Variants in SKIC3 observed in about 807,000 individuals in gnomAD.
SKIC3 encodes superkiller complex protein 3.
the SKIC3 span, chr5:95,523,445 G>T: frequency 8.2e-7 from 1 of 1,216,722 alleles, no homozygotes; most frequent in Non-Finnish European, 1.1e-6. Context: ...ACTTACACTG[G>T]TATACATCAA....
the SKIC3 span, among the ~76,000 whole-genome samples, chr5:95,480,038 T>C: frequency 6.6e-6 from 1 of 152,130 alleles, no homozygotes; most frequent in East Asian, 1.9e-4. Flanking sequence ...TGGTACTATG[T>C]TAATTACGGG....
At chr5:95,495,081 A>G in the SKIC3 span, 1 of 1,510,438 alleles carries the variant, frequency 6.6e-7, no homozygotes, top group South Asian at 1.1e-5. Context: ...GAAAAAATTA[A>G]GATTGATAAG....
At chr5:95,522,453 G>T in the SKIC3 span, 2 of 950,570 alleles carry the variant, frequency 2.1e-6, no homozygotes, top group Non-Finnish European at 3.0e-6. Flanking sequence ...AGATAAATTT[G>T]TTCCTTTTAT....
At chr5:95,514,121 A>G in the SKIC3 span, among the ~76,000 whole-genome samples, 3 of 152,190 alleles carry the variant, frequency 2.0e-5, no homozygotes, top group Admixed American at 1.3e-4. Context: ...ATTAGGCCCA[A>G]GAGTCTAAAA....
At chr5:95,530,359 T>C in the SKIC3 span, 1 of 940,406 alleles carries the variant, frequency 1.1e-6, no homozygotes, top group Non-Finnish European at 1.6e-6. Flanking sequence ...CTCCAGAAAT[T>C]CAAAATTTAA....
the SKIC3 span, among the ~76,000 whole-genome samples, chr5:95,554,394 A>C: frequency 6.6e-6 from 1 of 152,200 alleles, no homozygotes; most frequent in Admixed American, 6.5e-5. Context: ...GAACTCTCCA[A>C]AGGAATTCAA....
At chr5:95,540,582 TATGGAA>T in the SKIC3 span, 1 of 1,414,692 alleles carries the variant, frequency 7.1e-7, no homozygotes, top group East Asian at 2.3e-5. Flanking sequence ...TCAACATTAC[TATGGAA>T]ATGGAAATTA....
At chr5:95,485,245 AT>A in the SKIC3 span, among the ~76,000 whole-genome samples, 18 of 152,218 alleles carry the variant, frequency 1.2e-4, no homozygotes, top group Admixed American at 4.6e-4. Context: ...CATTATCAAA[AT>A]TTTCCTCTTG....
At chr5:95,537,047 G>A in the SKIC3 span, 21 of 1,613,098 alleles carry the variant, frequency 1.3e-5, no homozygotes, top group Non-Finnish European at 1.6e-5. Flanking sequence ...ACTTACTTTG[G>A]ATAAACTCTG....
the SKIC3 span, among the ~76,000 whole-genome samples, chr5:95,490,639 A>G: frequency 6.6e-6 from 1 of 151,710 alleles, no homozygotes; most frequent in Non-Finnish European, 1.5e-5. Flanking sequence ...CTAGGACTAT[A>G]GGTGCCCGCC....
the SKIC3 span, among the ~76,000 whole-genome samples, chr5:95,497,938 C>T: frequency 1.2e-4 from 19 of 152,098 alleles, no homozygotes; most frequent in Middle Eastern, 6.8e-3. Context: ...ACAGACATGA[C>T]ACTTTACTGC....
chr5:95,504,840 A>G, the SKIC3 span, among the ~76,000 whole-genome samples: 1 of 151,506 alleles, frequency 6.6e-6, no homozygotes, highest in Non-Finnish European at 1.5e-5. Context: ...GTCTCTAATA[A>G]AAAAAAATAC....
At chr5:95,474,427 G>A in the SKIC3 span, among the ~76,000 whole-genome samples, 1 of 152,294 alleles carries the variant, frequency 6.6e-6, no homozygotes, top group Non-Finnish European at 1.5e-5. Flanking sequence ...AGGAAAAAAG[G>A]ATGCTGAAAA....
chr5:95,513,577 A>G, the SKIC3 span: 6 of 1,613,636 alleles, frequency 3.7e-6, no homozygotes, highest in Admixed American at 1.7e-5. Flanking sequence ...TTACATGCAT[A>G]TTTAGTTCTG....
the SKIC3 span, among the ~76,000 whole-genome samples, chr5:95,538,814 T>C: frequency 6.6e-6 from 1 of 152,106 alleles, no homozygotes; most frequent in Non-Finnish European, 1.5e-5. Flanking sequence ...ATACTAAATA[T>C]AAATACTCTA....
the SKIC3 span, among the ~76,000 whole-genome samples, chr5:95,537,572 G>A: frequency 6.6e-6 from 1 of 152,208 alleles, no homozygotes; most frequent in East Asian, 1.9e-4. Flanking sequence ...ATAAAGTTGG[G>A]TGATACTTTT....
At chr5:95,481,145 C>T in the SKIC3 span, among the ~76,000 whole-genome samples, 1 of 152,116 alleles carries the variant, frequency 6.6e-6, no homozygotes, top group Non-Finnish European at 1.5e-5. Flanking sequence ...CATACACACA[C>T]ACATGCAGTC....
the SKIC3 span, chr5:95,512,352 A>C: frequency 1.7e-6 from 2 of 1,182,922 alleles, no homozygotes; most frequent in Non-Finnish European, 2.4e-6. Context: ...GCTGTTGCAA[A>C]AAGAAGGCAA....
chr5:95,518,622 G>T, the SKIC3 span, among the ~76,000 whole-genome samples: 1 of 151,758 alleles, frequency 6.6e-6, no homozygotes, highest in Non-Finnish European at 1.5e-5. Flanking sequence ...TATCCAAATT[G>T]CCTTAAATGA....
Sources: gnomAD v4.1 joint callset for allele counts (sites outside exome capture counted in the v4.1 genomes callset) on GRCh38, gnomAD v4.1.1 for gene constraint, MANE v1.5 for transcripts, NCBI Gene and HGNC (gene_info 2026-07-23, HGNC 2026-07-21) for gene names.